CNOT4: variants seen among roughly 807,000 people sequenced by gnomAD.
The protein encoded by CNOT4 is CCR4-NOT transcription complex subunit 4.
In CNOT4, 8 loss-of-function variants were observed where a neutral mutation model predicts 73.8. The ratio of observed to expected loss-of-function variants is 0.11; its 90% CI spans 0.06 to 0.20. The LOEUF is 0.20. Among genes scored for constraint, CNOT4 ranks in the 10% least tolerant of loss-of-function variants. The probability of loss-of-function intolerance (pLI) is 1.00; values close to 1 mark genes in which losing one functional copy is unlikely to be tolerated. For synonymous variants in CNOT4, 293 were observed against 321.1 expected (o/e 0.91, Z 0.94); for missense variants, 564 against 883.4 (o/e 0.64, Z 4.58).
intron 10 of CNOT4, among the ~76,000 whole-genome samples, chr7:135,383,900 T>C (rs577747582): frequency 6.6e-6 from 1 of 152,376 alleles, no homozygotes; most frequent in East Asian, 1.9e-4. Flanking sequence ...TGTGGTCTTC[T>C]TGAATGTCTC....
intron 2 of CNOT4, among the ~76,000 whole-genome samples, chr7:135,429,791 C>T (rs956618787): frequency 6.6e-6 from 1 of 152,174 alleles, no homozygotes. Flanking sequence ...GGACTGTGAT[C>T]TCTGAGAAAA....
chr7:135,436,407 T>C (rs183418326), intron 2 of CNOT4, among the ~76,000 whole-genome samples: 1 of 151,914 alleles, frequency 6.6e-6, no homozygotes, highest in African/African-American at 2.4e-5. Flanking sequence ...AAATTTACAA[T>C]CCTTAGAGTC....
chr7:135,415,195 G>T lies in CNOT4; in HGVS notation c.440C>A (p.Thr147Lys). ...KIHKVVINNS[T>K]SYAGSQGPSA... ...AGTTACCTGTGAGCCTGCATATGATGTGCTATTATTGATGACAACTTTATG... is the reference window on the plus strand; with the variant it reads ...AGTTACCTGTGAGCCTGCATATGATTTGCTATTATTGATGACAACTTTATG... The change falls in exon 4 of 12, where the codon ACA becomes AAA. Residue 147 changes from threonine to lysine, a missense_variant. Thr to Lys is a moderately conservative substitution (Grantham distance 78, BLOSUM62 -1). Transcript: ENST00000541284. 6.2e-7 allele frequency: 1 copy of T among 1,601,826 alleles called. No individual in the cohort carries two copies. Among genetic ancestry groups the T allele is most frequent in the Non-Finnish European group, 8.6e-7 (1 of 1,169,174 alleles).
intron 2 of CNOT4, among the ~76,000 whole-genome samples, chr7:135,422,876 C>A (rs1008269737): frequency 2.0e-5 from 3 of 152,096 alleles, no homozygotes; most frequent in African/African-American, 7.2e-5. Flanking sequence ...GTTGTGTGAT[C>A]TTTTCTTTCT....
intron 1 of CNOT4, among the ~76,000 whole-genome samples, chr7:135,468,888 A>C (rs1563068264): frequency 6.6e-6 from 1 of 152,130 alleles, no homozygotes; most frequent in African/African-American, 2.4e-5. Context: ...CATCCAAGGA[A>C]GGCTACAAAG....
chr7:135,424,748 C>T (rs555574212), intron 2 of CNOT4, among the ~76,000 whole-genome samples: 13 of 152,078 alleles, frequency 8.5e-5, no homozygotes, highest in Non-Finnish European at 1.8e-4. Context: ...GAGATTGTGC[C>T]ACTGCACTCC....
intron 1 of CNOT4, among the ~76,000 whole-genome samples, chr7:135,446,472 A>G (rs1799832530): frequency 6.6e-6 from 1 of 152,228 alleles, no homozygotes; most frequent in Non-Finnish European, 1.5e-5. Context: ...TATGCTGTAT[A>G]CACTTAACTA....
At chr7:135,433,350 C>CTT (rs954189759) in intron 2 of CNOT4, among the ~76,000 whole-genome samples, 54 of 114,444 alleles carry the variant, frequency 4.7e-4, no homozygotes, top group African/African-American at 1.0e-3. Context: ...TCATCCTGTT[C>CTT]TTTTTTTTTT....
chr7:135,483,613 C>T (rs949981903), intron 1 of CNOT4, among the ~76,000 whole-genome samples: 3 of 151,870 alleles, frequency 2.0e-5, no homozygotes, highest in Non-Finnish European at 2.9e-5. Flanking sequence ...TTGCTTCAGC[C>T]GAGAAGTTGA....
At chr7:135,460,400 ATTCT>A (rs1291462048) in intron 1 of CNOT4, among the ~76,000 whole-genome samples, 3 of 152,304 alleles carry the variant, frequency 2.0e-5, no homozygotes, top group South Asian at 4.1e-4. Flanking sequence ...GAGACATGTG[ATTCT>A]TTCTTTCATT....
intron 10 of CNOT4, among the ~76,000 whole-genome samples, chr7:135,365,165 A>T (rs1230983756): frequency 6.6e-6 from 1 of 152,220 alleles, no homozygotes; most frequent in Non-Finnish European, 1.5e-5. Context: ...CCAACCACTG[A>T]TCAATGCCAA....
In CNOT4 at chr7:135,471,700, C is replaced by T. The variant is rs574407231; in HGVS notation, c.-92-33277G>A. 1.1e-4 allele frequency among the ~76,000 whole-genome samples: 17 copies of T among 152,308 alleles called. 1 individual carries two copies. The South Asian group carries it at 2.9e-3, about 26-fold the overall frequency. On this transcript the variant is annotated intron_variant, in intron 1 of 11. Coordinates refer to ENST00000541284, the MANE Select transcript of CNOT4 (RefSeq NM_001190850.2). ...TAAACTATTGACCCATACACTCTTC[C>T]GTTCTCTGAACTCTACAGCTCCTGT...
At chr7:135,504,462 ATTTTTTTTT>A (rs34100799) in intron 1 of CNOT4, among the ~76,000 whole-genome samples, 2 of 55,942 alleles carry the variant, frequency 3.6e-5, no homozygotes, top group East Asian at 5.1e-4. Context: ...CATCCGGCTA[ATTTTTTTTT>A]TTTTTTTTTT....
At chr7:135,379,908 A>G (rs1482844851) in intron 10 of CNOT4, among the ~76,000 whole-genome samples, 1 of 151,388 alleles carries the variant, frequency 6.6e-6, no homozygotes, top group Non-Finnish European at 1.5e-5. Context: ...CCATCAATAC[A>G]TTATTTCAGT....
At chr7:135,466,475 CA>C (rs199824747) in intron 1 of CNOT4, among the ~76,000 whole-genome samples, 2,035 of 83,444 alleles carry the variant, frequency 0.024, 33 homozygotes, top group African/African-American at 0.062. Flanking sequence ...AAGACTGTCT[CA>C]AAAAAAAAAA....
intron 10 of CNOT4, among the ~76,000 whole-genome samples, chr7:135,374,455 G>C (rs939998081): frequency 4.0e-5 from 6 of 151,484 alleles, no homozygotes; most frequent in African/African-American, 1.2e-4. Flanking sequence ...GTGTTTAGAT[G>C]AATCTACACA....
chr7:135,387,357 C>A (rs1279925135), intron 10 of CNOT4: 2 of 984,810 alleles, frequency 2.0e-6, no homozygotes, highest in Non-Finnish European at 2.4e-6. Context: ...TTTTTGTTTA[C>A]CTCACTGTAC....
chr7:135,487,818 C>A (rs966083694), intron 1 of CNOT4, among the ~76,000 whole-genome samples: 5 of 152,156 alleles, frequency 3.3e-5, no homozygotes, highest in African/African-American at 1.2e-4. Flanking sequence ...CTTTGGGAGG[C>A]CAAGGCAGGC....
intron 3 of CNOT4, among the ~76,000 whole-genome samples, chr7:135,418,127 C>T (rs971793080): frequency 1.1e-4 from 17 of 152,186 alleles, no homozygotes; most frequent in East Asian, 3.8e-4. Context: ...AAGAATTACA[C>T]GGATTTGTAA....
Sources: allele counts gnomAD v4.1 joint callset (sites outside exome capture counted in the v4.1 genomes callset), GRCh38; gene constraint gnomAD v4.1.1; transcripts MANE v1.5; gene names NCBI Gene and HGNC (gene_info 2026-07-23, HGNC 2026-07-21).